CA13: variants seen among roughly 807,000 people sequenced by gnomAD.
CA13 encodes the protein carbonic anhydrase 13.
A neutral mutation model predicts 31.5 loss-of-function variants in CA13; 21 were observed. The observed-to-expected ratio is 0.67, with a 90% CI of 0.47 to 0.96. CA13 has a LOEUF of 0.96. Among genes scored for constraint, CA13 ranks in the 40% least tolerant of loss-of-function variants. The pLI is 0.00. For missense variants in CA13, 315 were observed against 318.9 expected, an observed-to-expected ratio of 0.99 and a Z score of 0.09; for synonymous variants, 117 against 111.4, an observed-to-expected ratio of 1.05 and a Z score of -0.32.
chr8:85,274,059 GAC>G (rs563878066), intron 6 of CA13, among the ~76,000 whole-genome samples: 12 of 152,044 alleles, frequency 7.9e-5, no homozygotes, highest in Non-Finnish European at 1.6e-4. Flanking sequence ...CTATCTTGCT[GAC>G]ACACACTGCT....
At chr8:85,248,684 G>A (rs1813773678) in intron 1 of CA13, among the ~76,000 whole-genome samples, 1 of 152,102 alleles carries the variant, frequency 6.6e-6, no homozygotes, top group East Asian at 1.9e-4. Context: ...GTAGTTAGTA[G>A]ATAATATTGG....
At chr8:85,252,886 A>C (rs1170251205) in intron 2 of CA13, among the ~76,000 whole-genome samples, 1 of 152,160 alleles carries the variant, frequency 6.6e-6, no homozygotes, top group Non-Finnish European at 1.5e-5. Context: ...AAAAATTATA[A>C]GCCCAACCAC....
Position 85,259,503 on chromosome 8 carries a change from C to G in CA13, c.318C>G (p.Ser106=). Residue 106 remains serine, a synonymous_variant, in exon 3 of 7, where the codon TCC becomes TCG. Coordinates refer to ENST00000321764, the MANE Select transcript of CA13 (RefSeq NM_198584.3). Reference sequence around the variant, plus strand: ...GGGGGTCCGCTGATGACCACGGCTCCGAGCACATAGTAGATGGAGTGAGCT... The same window carrying G: ...GGGGGTCCGCTGATGACCACGGCTCGGAGCACATAGTAGATGGAGTGAGCT... ...LHWGSADDHG[S]EHIVDGVSYA... 3 of 1,614,008 alleles carry G rather than the reference C, an allele frequency of 1.9e-6. No individual in the cohort carries two copies. The highest frequency in any genetic ancestry group is 2.5e-6 in the Non-Finnish European group (3 of 1,179,968).
At chr8:85,264,882 C>T (rs1456483308) in intron 3 of CA13, among the ~76,000 whole-genome samples, 1 of 152,190 alleles carries the variant, frequency 6.6e-6, no homozygotes, top group East Asian at 1.9e-4. Context: ...TTTCTTTCCT[C>T]CCCCAACTAT....
intron 3 of CA13, among the ~76,000 whole-genome samples, chr8:85,260,335 C>T (rs1807359081): frequency 6.6e-6 from 1 of 152,136 alleles, no homozygotes. Flanking sequence ...AATTATATGA[C>T]TCAATCAATA....
chr8:85,269,102 A>G (rs1178676801), intron 6 of CA13, among the ~76,000 whole-genome samples: 2 of 152,188 alleles, frequency 1.3e-5, no homozygotes, highest in African/African-American at 2.4e-5. Context: ...GCAGTGCCCT[A>G]AGAAATGTGT....
chr8:85,261,233 G>A (rs1242921657), intron 3 of CA13, among the ~76,000 whole-genome samples: 1 of 152,056 alleles, frequency 6.6e-6, no homozygotes, highest in African/African-American at 2.4e-5. Context: ...AAAAAACTTA[G>A]GTACAACTTA....
chr8:85,258,363 A>G (rs1344286230), intron 2 of CA13, among the ~76,000 whole-genome samples: 2 of 152,214 alleles, frequency 1.3e-5, no homozygotes, highest in African/African-American at 4.8e-5. Context: ...TACTGAGGAA[A>G]TTACTCAAAT....
chr8:85,260,523 C>A (rs1006713680), intron 3 of CA13, among the ~76,000 whole-genome samples: 1 of 152,196 alleles, frequency 6.6e-6, no homozygotes. Flanking sequence ...CAGTTTCACT[C>A]TTCCATTGAC....
chr8:85,278,962 C>T (rs1236218532), intron 6 of CA13, among the ~76,000 whole-genome samples: 5 of 152,138 alleles, frequency 3.3e-5, no homozygotes, highest in Non-Finnish European at 7.4e-5. Flanking sequence ...GAGCACTTAA[C>T]ACAGTGCCTA....
chr8:85,248,612 T>A (rs1186501086), intron 1 of CA13, among the ~76,000 whole-genome samples: 1 of 151,618 alleles, frequency 6.6e-6, no homozygotes, highest in African/African-American at 2.4e-5. Context: ...GAGGAGGAAA[T>A]TTTTTTTGGA....
rs1227400913 is a variant in CA13, at chr8:85,257,725, G to A, written c.236-1696G>A. Among the ~76,000 whole-genome samples, 3 of 148,122 alleles carry A rather than the reference G, an allele frequency of 2.0e-5. No homozygotes were observed. In the South Asian group the frequency reaches 6.3e-4, roughly 31 times the overall value. On this transcript the variant is annotated intron_variant, in intron 2 of 6. Transcript: ENST00000321764. ...TGTCTCAAAAAAAAAAAACAAAAAC[G>A]AACAAACCCCAAAACACTGCAACCT...
At chr8:85,279,724 G>A (rs1438650917) in intron 6 of CA13, among the ~76,000 whole-genome samples, 1 of 152,170 alleles carries the variant, frequency 6.6e-6, no homozygotes, top group Non-Finnish European at 1.5e-5. Flanking sequence ...GACCCATGCT[G>A]TAATTCAGGA....
At chr8:85,264,332 G>T (rs1395060793) in intron 3 of CA13, among the ~76,000 whole-genome samples, 2 of 152,176 alleles carry the variant, frequency 1.3e-5, no homozygotes, top group East Asian at 1.9e-4. Context: ...TTAGAAATTA[G>T]TTGCCAGTAG....
chr8:85,263,173 A>G (rs1025268244), intron 3 of CA13, among the ~76,000 whole-genome samples: 7 of 152,172 alleles, frequency 4.6e-5, no homozygotes, highest in Admixed American at 4.6e-4. Context: ...GTTCAAGAGG[A>G]GAAAGTCATT....
chr8:85,276,315 C>T (rs990908754), intron 6 of CA13, among the ~76,000 whole-genome samples: 4 of 152,208 alleles, frequency 2.6e-5, no homozygotes, highest in African/African-American at 9.6e-5. Context: ...CCCCAACCTC[C>T]GTGGGCTCCT....
chr8:85,266,087 A>G (rs998697685), intron 3 of CA13, among the ~76,000 whole-genome samples: 2 of 152,214 alleles, frequency 1.3e-5, no homozygotes, highest in African/African-American at 4.8e-5. Context: ...GCTCCATTGC[A>G]GTCTCATCTG....
chr8:85,245,528 TC>T lies in CA13; in HGVS notation c.-294del, dbSNP rs1317142161. Reference sequence around the variant, plus strand: ...TGACGACTCCTCAGAAGGCAGGAGATCCCCCCCGGAAACCTTTCTCTCTCCG... The same window carrying T: ...TGACGACTCCTCAGAAGGCAGGAGATCCCCCCGGAAACCTTTCTCTCTCCG... On this transcript the variant is annotated 5_prime_UTR_variant, in exon 1 of 7. Coordinates refer to ENST00000321764, the MANE Select transcript of CA13 (RefSeq NM_198584.3). 34 of 411,812 alleles carry T rather than the reference TC, an allele frequency of 8.3e-5. No individual in the cohort carries two copies. The highest frequency in any genetic ancestry group is 1.2e-4 in the South Asian group (4 of 34,136). 25.5% of individuals were successfully genotyped at this position (411,812 alleles called of 1,614,324 possible).
chr8:85,275,376 G>GT (rs1423929884), intron 6 of CA13, among the ~76,000 whole-genome samples: 2 of 152,094 alleles, frequency 1.3e-5, no homozygotes, highest in Admixed American at 1.3e-4. Context: ...TGAGGCTGGA[G>GT]TTTTGGGATG....
Sources: gnomAD v4.1 joint callset for allele counts (sites outside exome capture counted in the v4.1 genomes callset) on GRCh38, gnomAD v4.1.1 for gene constraint, MANE v1.5 for transcripts, NCBI Gene and HGNC (gene_info 2026-07-23, HGNC 2026-07-21) for gene names.